The following TMPRSS2 variants were observed in gnomAD, a reference collection of about 807,000 sequenced individuals.
TMPRSS2 encodes transmembrane serine protease 2, also known as transmembrane protease serine 2.
In TMPRSS2, 59 loss-of-function variants were observed where a neutral mutation model predicts 67.4. The ratio of observed to expected loss-of-function variants is 0.88; its 90% CI spans 0.71 to 1.09. TMPRSS2 has a LOEUF of 1.09. Ranked by LOEUF, TMPRSS2 falls within the 50% of genes least tolerant of loss-of-function variation. TMPRSS2 has a pLI of 0.00. For missense variants in TMPRSS2, 668 were observed against 642.7 expected (o/e 1.04, Z -0.43); for synonymous variants, 257 against 257.0 (o/e 1.00, Z 0.00).
intron 9 of TMPRSS2, among the ~76,000 whole-genome samples, chr21:41,473,004 C>G (rs910482609): frequency 1.3e-5 from 2 of 152,142 alleles, no homozygotes; most frequent in African/African-American, 2.4e-5. Flanking sequence ...GACAGGATAC[C>G]TCAGGGGGCA....
intron 1 of TMPRSS2, among the ~76,000 whole-genome samples, chr21:41,505,603 G>A (rs1353519621): frequency 6.6e-6 from 1 of 152,204 alleles, no homozygotes; most frequent in Non-Finnish European, 1.5e-5. Flanking sequence ...CATACTGCTA[G>A]AGGGAGCAGC....
intron 1 of TMPRSS2, among the ~76,000 whole-genome samples, chr21:41,503,094 T>G (rs770501572): frequency 6.6e-6 from 1 of 152,158 alleles, no homozygotes; most frequent in African/African-American, 2.4e-5. Flanking sequence ...AAATGTAAAT[T>G]TGAAATACAA....
Position 41,473,494 on chromosome 21 carries a change from A to G in TMPRSS2, c.730T>C (p.Cys244Arg), listed in dbSNP as rs143049780. ...CGGCTTGAGTTCAAGTTGACCCCGC[A>G]GGCTGAGGATGACAAACAGGAGGCC... ...KAVVSLRCIA[C>R]GVNLNSSRQS... The change falls in exon 9 of 14, where the codon TGC (cysteine) becomes CGC (arginine). Residue 244 changes from cysteine to arginine, a missense_variant and splice_region_variant. By Grantham distance (180) the Cys-to-Arg change is radical (BLOSUM62 -3). Transcript: ENST00000332149. The G allele has an allele frequency of 1.9e-6, 3 of 1,605,672 alleles. No individual in the cohort carries two copies. Among genetic ancestry groups the G allele is most frequent in the Middle Eastern group, 1.7e-4 (1 of 5,764 alleles).
chr21:41,467,980 C>T (rs2091098815), intron 12 of TMPRSS2, 94 bp from the exon 13 acceptor site: 2 of 1,437,790 alleles, frequency 1.4e-6, no homozygotes, highest in Admixed American at 1.8e-5. Flanking sequence ...GGGCGGGGGT[C>T]GCAGTGTGAG....
At chr21:41,487,417 T>G (rs1601580822) in intron 5 of TMPRSS2, 2 of 152,336 alleles carry the variant, frequency 1.3e-5, no homozygotes, top group East Asian at 3.9e-4. Context: ...GAGATGTTGG[T>G]CAGAGGTCAC....
chr21:41,482,442 G>A (rs1265697260), intron 5 of TMPRSS2, among the ~76,000 whole-genome samples: 2 of 152,354 alleles, frequency 1.3e-5, no homozygotes, highest in East Asian at 3.9e-4. Context: ...ATGCGTTCAA[G>A]TATCACGTTA....
At chr21:41,483,935 C>A (rs1230739206) in intron 5 of TMPRSS2, among the ~76,000 whole-genome samples, 4 of 152,012 alleles carry the variant, frequency 2.6e-5, no homozygotes, top group Non-Finnish European at 5.9e-5. Context: ...TCGAGACCAA[C>A]CCCATCTCCA....
At chr21:41,472,043 C>T in intron 9 of TMPRSS2, 62 bp from the exon 10 acceptor site, 1 of 1,451,502 alleles carries the variant, frequency 6.9e-7, no homozygotes, top group Non-Finnish European at 9.2e-7. Context: ...AGTGGATGAA[C>T]TTCCAACGTC....
rs140408843 is a variant in TMPRSS2, at chr21:41,500,545, G to A, written c.-56-2356C>T. 4.6e-5 allele frequency among the ~76,000 whole-genome samples: 7 copies of A among 152,306 alleles called. No individual in the cohort carries two copies. In the East Asian group the frequency reaches 1.4e-3, roughly 29 times the overall value. ...AACAGCCTGCCATGAATGAAAATGA[G>A]TATATGGCTTTTTAGTCTCGAGAAA... is the stretch of plus-strand genomic sequence containing the variant. On this transcript the variant is annotated intron_variant, in intron 1 of 13. Transcript: ENST00000332149.
At chr21:41,502,759 G>A (rs1261649249) in intron 1 of TMPRSS2, among the ~76,000 whole-genome samples, 1 of 152,176 alleles carries the variant, frequency 6.6e-6, no homozygotes, top group Non-Finnish European at 1.5e-5. Context: ...GAGAGAGAAA[G>A]GTTGAGCGAG....
In TMPRSS2 at chr21:41,494,465, C is replaced by T; in HGVS notation, c.129G>A (p.Gln43=). The T allele has an allele frequency of 6.2e-7, 1 of 1,614,076 alleles. No individual in the cohort carries two copies. The highest frequency in any genetic ancestry group is 8.5e-7 in the Non-Finnish European group (1 of 1,180,008). ...VPTVYEVHPA[Q]YYPSPVPQYA... is the part of the protein sequence containing the mutation. ...ACTGGGGCACGGGGGACGGGTAGTA[C>T]TGAGCCGGATGCACCTCGTAGACAG... Residue 43 remains glutamine (Q), a synonymous_variant, in exon 3 of 14, where the codon CAG becomes CAA. Transcript: ENST00000332149.
At chr21:41,480,910 T>C (rs879499473) in intron 5 of TMPRSS2, among the ~76,000 whole-genome samples, 1 of 152,208 alleles carries the variant, frequency 6.6e-6, no homozygotes, top group Non-Finnish European at 1.5e-5. Context: ...AGTGTTGGAA[T>C]TACAGGCGTG....
rs2091103803 is a variant in TMPRSS2, at chr21:41,468,535, T to C, written c.1175A>G (p.Lys392Arg). ...SGWGATEEKGKTSEVLNAAKV... is the reference protein window; with the variant it reads ...SGWGATEEKGRTSEVLNAAKV... ...GGCAGCGTTCAGCACTTCTGAGGTC[T>C]TCCCTAAGGACAGGGAGACTTGTTG... The change falls in exon 12 of 14, where the codon AAG (lysine) becomes AGG (arginine). Residue 392 changes from lysine to arginine, a missense_variant. Coordinates refer to ENST00000332149, the MANE Select transcript of TMPRSS2 (RefSeq NM_005656.4). The C allele has an allele frequency of 6.2e-7, 1 of 1,614,048 alleles. No individual in the cohort carries two copies. The highest frequency in any genetic ancestry group is 8.5e-7 in the Non-Finnish European group (1 of 1,179,986).
chr21:41,481,633 T>C (rs187680554), intron 5 of TMPRSS2, among the ~76,000 whole-genome samples: 15 of 152,218 alleles, frequency 9.9e-5, no homozygotes, highest in African/African-American at 2.9e-4. Context: ...ATACATTACA[T>C]ATCAATAAGC....
intron 7 of TMPRSS2, among the ~76,000 whole-genome samples, chr21:41,477,689 C>A (rs76855393): frequency 6.6e-6 from 1 of 152,096 alleles, no homozygotes; most frequent in African/African-American, 2.4e-5. Flanking sequence ...GGCACTGACA[C>A]GGCCAAGTGA....
intron 7 of TMPRSS2, 142 bp from the exon 8 acceptor site, chr21:41,476,762 A>T: frequency 1.3e-6 from 1 of 744,706 alleles, no homozygotes; most frequent in East Asian, 2.6e-5. Context: ...CAACTCCAAT[A>T]AGGTAAGTAA....
chr21:41,479,141 C>T, intron 7 of TMPRSS2, 31 bp downstream of exon 7: 1 of 1,568,928 alleles, frequency 6.4e-7, no homozygotes, highest in Non-Finnish European at 8.8e-7. Context: ...GATTTCATTC[C>T]AAAATTTTTC....
chr21:41,502,509 C>T (rs750688693), intron 1 of TMPRSS2: 9 of 985,238 alleles, frequency 9.1e-6, no homozygotes, highest in Non-Finnish European at 1.1e-5. Flanking sequence ...ATCCAGACAG[C>T]ACCACCACCA....
At chr21:41,472,141 C>G (rs1442061759) in intron 9 of TMPRSS2, among the ~76,000 whole-genome samples, 160 bp from the exon 10 acceptor site, 1 of 151,382 alleles carries the variant, frequency 6.6e-6, no homozygotes, top group African/African-American at 2.4e-5. Flanking sequence ...GTCTCCCCTT[C>G]TCCCCCACAC....
Sources: gnomAD v4.1 joint callset for allele counts (sites outside exome capture counted in the v4.1 genomes callset) on GRCh38, gnomAD v4.1.1 for gene constraint, MANE v1.5 for transcripts, NCBI Gene and HGNC (gene_info 2026-07-23, HGNC 2026-07-21) for gene names.